SORCS1: variants seen among roughly 807,000 people sequenced by gnomAD.
SORCS1 encodes sortilin related VPS10 domain containing receptor 1.
SORCS1 carries 60 observed loss-of-function variants against 146.1 expected under a neutral mutation model. The ratio of observed to expected loss-of-function variants is 0.41; its 90% CI spans 0.33 to 0.51. SORCS1 has a LOEUF of 0.51. Ranked by LOEUF, SORCS1 falls within the 20% of genes least tolerant of loss-of-function variation. The pLI is 0.21. For synonymous variants in SORCS1, 637 were observed against 584.0 expected (o/e 1.09, Z -1.31); for missense variants, 1,352 against 1,487.6 (o/e 0.91, Z 1.50).
At chr10:106,676,894 A>G (rs964306606) in intron 13 of SORCS1, among the ~76,000 whole-genome samples, 2 of 152,196 alleles carry the variant, frequency 1.3e-5, no homozygotes, top group Non-Finnish European at 2.9e-5. Context: ...CATCTGGACA[A>G]TGAGAAGCCA....
chr10:106,895,495 T>TTGCACTC (rs1951435151), intron 2 of SORCS1, among the ~76,000 whole-genome samples: 1 of 152,060 alleles, frequency 6.6e-6, no homozygotes, highest in South Asian at 2.1e-4. Flanking sequence ...CCTGCAGTCC[T>TTGCACTC]AGCTACTTGG....
intron 3 of SORCS1, among the ~76,000 whole-genome samples, chr10:106,822,310 G>A (rs766759748): frequency 1.5e-4 from 23 of 152,298 alleles, no homozygotes; most frequent in Admixed American, 3.3e-4. Flanking sequence ...ATAGGTCAGT[G>A]TACAGAGAGG....
rs1164529022 is a variant in SORCS1 at position 107,057,025 on chromosome 10, T to C, written c.559-100445A>G. ...GCTTTAACATCCAGTTCCCGCTTTC[T>C]AAATCCTCAATTGCTTGACCACTGA... On this transcript the variant is annotated intron_variant, in intron 1 of 25. Coordinates refer to ENST00000263054, the MANE Select transcript of SORCS1 (RefSeq NM_052918.5). 2.6e-5 allele frequency among the ~76,000 whole-genome samples: 4 copies of C among 152,232 alleles called. No individual in the cohort carries two copies. The East Asian group carries it at 7.7e-4, about 29-fold the overall frequency.
chr10:106,712,473 T>C (rs568195128), intron 6 of SORCS1, among the ~76,000 whole-genome samples: 24 of 152,334 alleles, frequency 1.6e-4, no homozygotes, highest in African/African-American at 5.5e-4. Context: ...GTTTGAAGAC[T>C]GGAAGGATCA....
chr10:106,607,788 C>T (rs143648388), intron 22 of SORCS1, among the ~76,000 whole-genome samples: 6 of 152,276 alleles, frequency 3.9e-5, no homozygotes, highest in Admixed American at 2.0e-4. Flanking sequence ...CTTCCTCCTT[C>T]GTCAGCCCAC....
At chr10:106,845,031 G>T (rs1418665609) in intron 2 of SORCS1, among the ~76,000 whole-genome samples, 1 of 126,224 alleles carries the variant, frequency 7.9e-6, no homozygotes, top group Non-Finnish European at 1.8e-5. Flanking sequence ...GAATAATGCC[G>T]CAATAAACAT....
chr10:106,928,012 C>T (rs1448726480), intron 2 of SORCS1, among the ~76,000 whole-genome samples: 1 of 152,260 alleles, frequency 6.6e-6, no homozygotes, highest in African/African-American at 2.4e-5. Flanking sequence ...TCTGCAAGTC[C>T]TCACCAGACT....
intron 5 of SORCS1, among the ~76,000 whole-genome samples, chr10:106,753,989 C>A (rs111718299): frequency 4.7e-4 from 71 of 152,220 alleles, no homozygotes; most frequent in African/African-American, 1.7e-3. Flanking sequence ...TTTATTTCTC[C>A]TCTGAAAAAG....
chr10:106,650,957 G>T (rs1849815659), intron 18 of SORCS1, among the ~76,000 whole-genome samples: 1 of 151,926 alleles, frequency 6.6e-6, no homozygotes, highest in South Asian at 2.1e-4. Flanking sequence ...ATCTGTCATA[G>T]TCTCAAGCAG....
At chr10:106,894,142 A>T (rs1221676500) in intron 2 of SORCS1, among the ~76,000 whole-genome samples, 1 of 152,224 alleles carries the variant, frequency 6.6e-6, no homozygotes, top group African/African-American at 2.4e-5. Flanking sequence ...ACATTTGATC[A>T]TGTGACATAT....
rs1215055964 is a variant in SORCS1, at chr10:106,573,942, A to C, written c.*3478T>G. 2 of 152,628 alleles carry C rather than the reference A, an allele frequency of 1.3e-5. No homozygotes were observed. The highest frequency in any genetic ancestry group is 2.9e-5 in the Non-Finnish European group (2 of 68,046). 9.5% of individuals were successfully genotyped at this position (152,628 alleles called of 1,614,324 possible). On this transcript the variant is annotated 3_prime_UTR_variant, in exon 26 of 26. Coordinates refer to ENST00000263054, the MANE Select transcript of SORCS1 (RefSeq NM_052918.5). Reference sequence around the variant, plus strand: ...ATCTGTTTAATAAATATGATTGTAAAAGCAATAAACAAGAGCAATTATACA... The same window carrying C: ...ATCTGTTTAATAAATATGATTGTAACAGCAATAAACAAGAGCAATTATACA...
chr10:106,993,817 T>C (rs1280556408), intron 1 of SORCS1, among the ~76,000 whole-genome samples: 1 of 152,098 alleles, frequency 6.6e-6, no homozygotes, highest in Non-Finnish European at 1.5e-5. Context: ...TTCATGCCTG[T>C]AATCCCTACA....
chr10:106,817,068 T>C (rs1302519649), intron 3 of SORCS1, among the ~76,000 whole-genome samples: 1 of 152,190 alleles, frequency 6.6e-6, no homozygotes, highest in East Asian at 1.9e-4. Flanking sequence ...AATGCACTAA[T>C]AAAGCAAAAG....
intron 1 of SORCS1, among the ~76,000 whole-genome samples, chr10:106,979,566 A>AAAAC (rs533246417): frequency 4.3e-4 from 66 of 152,274 alleles, no homozygotes; most frequent in African/African-American, 1.5e-3. Flanking sequence ...TAAAAAAACA[A>AAAAC]AAACAAACAA....
At chr10:106,982,110 T>TA (rs1956267228) in intron 1 of SORCS1, among the ~76,000 whole-genome samples, 1 of 152,166 alleles carries the variant, frequency 6.6e-6, no homozygotes, top group Non-Finnish European at 1.5e-5. Context: ...AGGTATAATT[T>TA]AAAAAATTGG....
At chr10:106,601,412 GC>G (rs974597488) in intron 23 of SORCS1, among the ~76,000 whole-genome samples, 5 of 152,126 alleles carry the variant, frequency 3.3e-5, no homozygotes, top group African/African-American at 9.7e-5. Flanking sequence ...CTTGGTATCT[GC>G]CTATTTGGTG....
chr10:107,160,617 G>A (rs7099594), intron 1 of SORCS1, among the ~76,000 whole-genome samples: 5,130 of 152,242 alleles, frequency 0.034, 281 homozygotes, highest in African/African-American at 0.12. Flanking sequence ...TGGAAAAATA[G>A]AAGTCAAGTA....
At chr10:107,050,753 A>G (rs1257459981) in intron 1 of SORCS1, among the ~76,000 whole-genome samples, 1 of 152,152 alleles carries the variant, frequency 6.6e-6, no homozygotes, top group Non-Finnish European at 1.5e-5. Context: ...TAGAACCAAA[A>G]GTATCAACCA....
intron 1 of SORCS1, among the ~76,000 whole-genome samples, chr10:107,064,389 T>C (rs892249433): frequency 2.0e-5 from 3 of 152,198 alleles, no homozygotes; most frequent in Non-Finnish European, 4.4e-5. Flanking sequence ...ATACTTTTCC[T>C]ACCCGGGGGA....
Sources: allele counts gnomAD v4.1 joint callset (sites outside exome capture counted in the v4.1 genomes callset), GRCh38; gene constraint gnomAD v4.1.1; transcripts MANE v1.5; gene names NCBI Gene and HGNC (gene_info 2026-07-23, HGNC 2026-07-21).